EXOC5: variants seen among roughly 807,000 people sequenced by gnomAD.
EXOC5 encodes the protein SEC10-like 1.
A neutral mutation model predicts 90.8 loss-of-function variants in EXOC5; 17 were observed. The observed-to-expected ratio is 0.19, with a 90% CI of 0.13 to 0.28. The LOEUF is 0.28. Ranked by LOEUF, EXOC5 falls within the 10% of genes least tolerant of loss-of-function variation. The pLI, the probability that EXOC5 is intolerant of heterozygous loss-of-function variation, is 1.00. For synonymous variants in EXOC5, 260 were observed against 270.0 expected (o/e 0.96, Z 0.36); for missense variants, 569 against 830.6 (o/e 0.69, Z 3.87).
At chr14:57,217,668 T>C (rs1883013812) in intron 15 of EXOC5, among the ~76,000 whole-genome samples, 1 of 152,112 alleles carries the variant, frequency 6.6e-6, no homozygotes, top group South Asian at 2.1e-4. Flanking sequence ...GGACAATCAA[T>C]AATCCTACAA....
rs1327267688 is a variant in EXOC5, at chr14:57,268,669, GC to G, written c.-22del. The G allele has an allele frequency of 3.2e-6, 5 of 1,576,212 alleles. No homozygotes were observed. The highest frequency in any genetic ancestry group is 1.3e-5 in the African/African-American group (1 of 74,076). On this transcript the variant is annotated 5_prime_UTR_variant, in exon 1 of 18. Transcript: ENST00000621441. ...GCCATCCCGGCCGGCTGAGAGGCTC[GC>G]CCCCCACTGGATGCCGTCTCCGCTT...
intron 13 of EXOC5, 45 bp downstream of exon 13, chr14:57,222,263 C>G (rs372830446): frequency 5.3e-6 from 5 of 935,088 alleles, no homozygotes; most frequent in Non-Finnish European, 8.3e-6. Context: ...TTTAACCAAG[C>G]AGAATCAAAA....
At chr14:57,239,081 A>G (rs1883773700) in intron 5 of EXOC5, among the ~76,000 whole-genome samples, 1 of 152,108 alleles carries the variant, frequency 6.6e-6, no homozygotes, top group Non-Finnish European at 1.5e-5. Context: ...AGTCCCTAGG[A>G]AGAGTTCTGT....
intron 15 of EXOC5, among the ~76,000 whole-genome samples, chr14:57,211,269 T>C (rs1022798330): frequency 6.6e-5 from 10 of 152,232 alleles, no homozygotes; most frequent in Non-Finnish European, 1.3e-4. Flanking sequence ...GCTATTTCAC[T>C]ACCAGTCCAT....
At chr14:57,234,228 TATG>T (rs1883580200) in intron 7 of EXOC5, among the ~76,000 whole-genome samples, 196 bp from the exon 8 acceptor site, 2 of 152,110 alleles carry the variant, frequency 1.3e-5, no homozygotes, top group Admixed American at 6.6e-5. Context: ...AGTCACTTTC[TATG>T]ATAAAATTTA....
At chr14:57,259,325 C>T (rs1175154669) in intron 1 of EXOC5, among the ~76,000 whole-genome samples, 1 of 152,182 alleles carries the variant, frequency 6.6e-6, no homozygotes, top group Non-Finnish European at 1.5e-5. Context: ...TCTCTAACTG[C>T]TGGCCTCAAG....
chr14:57,244,149 C>T lies in EXOC5; in HGVS notation c.465+16G>A. The T allele has an allele frequency of 6.3e-7, 1 of 1,582,564 alleles. No individual in the cohort carries two copies. Among genetic ancestry groups the T allele is most frequent in the Non-Finnish European group, 8.7e-7 (1 of 1,152,480 alleles). ...ATTAATGCTGTGATTTGGTTTTATC[C>T]TCTGACAGCACTTACCTTTTCAGAA... On this transcript the variant is annotated intron_variant, in intron 4 of 17. Coordinates refer to ENST00000621441, the MANE Select transcript of EXOC5 (RefSeq NM_006544.4).
intron 1 of EXOC5, among the ~76,000 whole-genome samples, 180 bp from the exon 2 acceptor site, chr14:57,247,892 C>G (rs912918706): frequency 7.0e-6 from 1 of 143,732 alleles, no homozygotes; most frequent in Non-Finnish European, 1.5e-5. Flanking sequence ...ATAAACAAAA[C>G]AAATTACTTA....
rs1298211970 is a variant in EXOC5 at position 57,204,310 on chromosome 14, T to A, written c.*4299A>T. ...TGTCCCCTATACATTTGAACAGTTG[T>A]TTCCTCCCTAAATTTGTAAAGAGAA... On this transcript the variant is annotated 3_prime_UTR_variant, in exon 18 of 18. Transcript: ENST00000621441. 2.6e-5 allele frequency: 4 copies of A among 152,284 alleles called. No individual in the cohort carries two copies. In the East Asian group the frequency reaches 5.8e-4, roughly 22 times the overall value. The allele number at this position is 152,284 out of a possible 1,614,324, so 9.4% of individuals were successfully genotyped here.
At chr14:57,259,318 C>G (rs1181343974) in intron 1 of EXOC5, among the ~76,000 whole-genome samples, 2 of 152,126 alleles carry the variant, frequency 1.3e-5, no homozygotes, top group African/African-American at 4.8e-5. Flanking sequence ...AGGCTAGTCT[C>G]TAACTGCTGG....
At chr14:57,268,587 G>C in intron 1 of EXOC5, 35 bp downstream of exon 1, 1 of 1,577,420 alleles carries the variant, frequency 6.3e-7, no homozygotes, top group Non-Finnish European at 8.6e-7. Context: ...GCAAACCCCG[G>C]GCCTGCCACT....
chr14:57,239,809 C>G, intron 4 of EXOC5, 150 bp from the exon 5 acceptor site: 1 of 545,090 alleles, frequency 1.8e-6, no homozygotes, highest in East Asian at 3.0e-5. Flanking sequence ...ACAAATAAAA[C>G]TTTATGAGCA....
intron 15 of EXOC5, among the ~76,000 whole-genome samples, chr14:57,211,865 C>CA (rs199951116): frequency 1.7e-4 from 25 of 150,036 alleles, no homozygotes; most frequent in African/African-American, 5.1e-4. Context: ...ACTCTGTCTC[C>CA]AAAAAAAAAG....
intron 1 of EXOC5, among the ~76,000 whole-genome samples, chr14:57,251,224 C>T (rs187535640): frequency 2.2e-4 from 34 of 152,270 alleles, no homozygotes; most frequent in Non-Finnish European, 4.4e-4. Flanking sequence ...AGAGTGCTGT[C>T]CAAAAATTCC....
intron 3 of EXOC5, among the ~76,000 whole-genome samples, chr14:57,245,676 G>C (rs1884011595): frequency 6.6e-6 from 1 of 152,108 alleles, no homozygotes; most frequent in Non-Finnish European, 1.5e-5. Context: ...AACTTTAGCA[G>C]CAATCAGTTT....
At chr14:57,209,005 G>A (rs886153093) in intron 17 of EXOC5, among the ~76,000 whole-genome samples, 1 of 152,126 alleles carries the variant, frequency 6.6e-6, no homozygotes, top group Non-Finnish European at 1.5e-5. Context: ...AAAGATTCAT[G>A]TGTCAATTCT....
chr14:57,268,042 G>A (rs1462684837), intron 1 of EXOC5, among the ~76,000 whole-genome samples: 1 of 151,632 alleles, frequency 6.6e-6, no homozygotes, highest in Admixed American at 6.6e-5. Context: ...TCAGTCGAAA[G>A]AGATAAGTAG....
intron 1 of EXOC5, among the ~76,000 whole-genome samples, chr14:57,267,420 T>C (rs1174936232): frequency 6.6e-6 from 1 of 152,196 alleles, no homozygotes; most frequent in Non-Finnish European, 1.5e-5. Flanking sequence ...ATAACAAATG[T>C]AAATTTCCAT....
Position 57,205,363 on chromosome 14 carries a change from T to A in EXOC5, c.*3246A>T, listed in dbSNP as rs1473817517. ...AAACTAATTGAATGAAAGCACAAAATGCTTTGTATGTAAAATTCAACAATA... is the reference window on the plus strand; with the variant it reads ...AAACTAATTGAATGAAAGCACAAAAAGCTTTGTATGTAAAATTCAACAATA... On this transcript the variant is annotated 3_prime_UTR_variant, in exon 18 of 18. Coordinates refer to ENST00000621441, the MANE Select transcript of EXOC5 (RefSeq NM_006544.4). 6.5e-6 allele frequency: 1 copy of A among 153,698 alleles called. No individual in the cohort carries two copies. Among genetic ancestry groups the A allele is most frequent in the African/African-American group, 2.4e-5 (1 of 41,460 alleles). 9.5% of individuals were successfully genotyped at this position (153,698 alleles called of 1,614,324 possible). A position where few individuals can be genotyped will look rare whatever the true frequency, so the allele number is the denominator to read the frequency against.
Sources: gnomAD v4.1 joint callset for allele counts (sites outside exome capture counted in the v4.1 genomes callset) on GRCh38, gnomAD v4.1.1 for gene constraint, MANE v1.5 for transcripts, NCBI Gene and HGNC (gene_info 2026-07-23, HGNC 2026-07-21) for gene names.